LRRTM4: variants seen among roughly 807,000 people sequenced by gnomAD.
LRRTM4 encodes leucine rich repeat transmembrane neuronal 4.
LRRTM4 carries 25 observed loss-of-function variants against 47.6 expected under a neutral mutation model. The ratio of observed to expected loss-of-function variants is 0.53; its 90% confidence interval spans 0.38 to 0.73. The LOEUF (loss-of-function observed/expected upper bound fraction) is 0.73, where lower values mean the gene tolerates loss of function less well. Ranked by LOEUF, LRRTM4 falls within the 30% of genes least tolerant of loss-of-function variation. The pLI is 0.00. For missense variants in LRRTM4, 638 were observed against 713.4 expected, an observed-to-expected ratio of 0.89 and a Z score of 1.20; for synonymous variants, 311 against 269.5, an observed-to-expected ratio of 1.15 and a Z score of -1.51.
intron 3 of LRRTM4, among the ~76,000 whole-genome samples, chr2:77,196,168 T>A (rs1673821112): frequency 6.6e-6 from 1 of 152,238 alleles, no homozygotes; most frequent in African/African-American, 2.4e-5. Flanking sequence ...ATATGCTTTT[T>A]TCCTTTTTGA....
At chr2:77,014,754 G>A (rs1444284375) in intron 3 of LRRTM4, among the ~76,000 whole-genome samples, 3 of 152,114 alleles carry the variant, frequency 2.0e-5, no homozygotes, top group African/African-American at 7.2e-5. Flanking sequence ...GGAGGTTGCA[G>A]TGAGTGGAGA....
At chr2:76,901,944 T>G (rs1673651663) in intron 3 of LRRTM4, among the ~76,000 whole-genome samples, 1 of 152,196 alleles carries the variant, frequency 6.6e-6, no homozygotes, top group South Asian at 2.1e-4. Flanking sequence ...CTTTGCTCTG[T>G]GGGCTAAGTG....
intron 3 of LRRTM4, among the ~76,000 whole-genome samples, chr2:76,873,506 G>GTGTGTATATATATGTGTGTATA (rs367573475): frequency 8.9e-6 from 1 of 112,312 alleles, no homozygotes; most frequent in African/African-American, 3.2e-5. Flanking sequence ...ATATATGTGT[G>GTGTGTATATATATGTGTGTATA]TATATATATA....
intron 3 of LRRTM4, among the ~76,000 whole-genome samples, chr2:76,880,172 A>G (rs1240949165): frequency 6.6e-6 from 1 of 152,234 alleles, no homozygotes; most frequent in Non-Finnish European, 1.5e-5. Flanking sequence ...CAGTTTTGAA[A>G]GAAATTCTAC....
intron 3 of LRRTM4, among the ~76,000 whole-genome samples, chr2:76,808,043 T>G (rs1042849332): frequency 1.2e-4 from 18 of 150,048 alleles, no homozygotes; most frequent in Admixed American, 1.1e-3. Flanking sequence ...TTTTCTTTCT[T>G]GTTTTGCTCT....
intron 3 of LRRTM4, among the ~76,000 whole-genome samples, chr2:77,331,690 A>C (rs1352541943): frequency 1.3e-5 from 2 of 151,928 alleles, no homozygotes; most frequent in Non-Finnish European, 2.9e-5. Context: ...TGTGGTAAGA[A>C]CAGATTTGAA....
At chr2:77,319,146 A>T in intron 3 of LRRTM4, among the ~76,000 whole-genome samples, 1 of 152,054 alleles carries the variant, frequency 6.6e-6, no homozygotes, top group African/African-American at 2.4e-5. Context: ...GCACTTTGGG[A>T]GGTTGAGGCA....
At chr2:76,842,563 G>A (rs1671715466) in intron 3 of LRRTM4, among the ~76,000 whole-genome samples, 1 of 152,128 alleles carries the variant, frequency 6.6e-6, no homozygotes, top group African/African-American at 2.4e-5. Context: ...CCTACTGTTA[G>A]GCAGAATCAT....
At chr2:77,090,816 ACTC>A (rs1163264558) in intron 3 of LRRTM4, among the ~76,000 whole-genome samples, 4 of 151,652 alleles carry the variant, frequency 2.6e-5, no homozygotes, top group Admixed American at 6.6e-5. Context: ...TCTCTGACTG[ACTC>A]CTCCTCGGCT....
At chr2:76,975,817 TCTTA>T (rs891386554) in intron 3 of LRRTM4, among the ~76,000 whole-genome samples, 27 of 151,546 alleles carry the variant, frequency 1.8e-4, no homozygotes, top group Non-Finnish European at 2.5e-4. Context: ...TCTTATACTC[TCTTA>T]TTTATTTATT....
At chr2:77,179,789 T>C (rs1673300882) in intron 3 of LRRTM4, among the ~76,000 whole-genome samples, 1 of 152,288 alleles carries the variant, frequency 6.6e-6, no homozygotes, top group South Asian at 2.1e-4. Context: ...GGTCTTAATA[T>C]AGTCAAAATT....
At chr2:77,303,402 T>A (rs1016490611) in intron 3 of LRRTM4, among the ~76,000 whole-genome samples, 5 of 152,220 alleles carry the variant, frequency 3.3e-5, no homozygotes, top group Non-Finnish European at 5.9e-5. Flanking sequence ...CATTTATAAT[T>A]TATATTTCCA....
chr2:77,404,007 G>A (rs1478924102), intron 3 of LRRTM4, among the ~76,000 whole-genome samples: 1 of 151,698 alleles, frequency 6.6e-6, no homozygotes, highest in East Asian at 1.9e-4. Context: ...ACAATAAAAT[G>A]TACTTTATTA....
chr2:76,859,521 T>C (rs904650580), intron 3 of LRRTM4, among the ~76,000 whole-genome samples: 4 of 152,190 alleles, frequency 2.6e-5, no homozygotes, highest in African/African-American at 7.2e-5. Context: ...GTTAATAGCA[T>C]AGTTGAATTT....
intron 3 of LRRTM4, among the ~76,000 whole-genome samples, chr2:76,835,101 C>T (rs1445514297): frequency 6.6e-6 from 1 of 152,100 alleles, no homozygotes; most frequent in African/African-American, 2.4e-5. Flanking sequence ...ATTCTTTGTG[C>T]ATGATAATGT....
intron 3 of LRRTM4, among the ~76,000 whole-genome samples, chr2:77,085,298 C>T (rs1201309841): frequency 6.6e-6 from 1 of 151,162 alleles, no homozygotes; most frequent in Non-Finnish European, 1.5e-5. Context: ...TTCTTACCTA[C>T]AAGAGTGATC....
chr2:77,303,910 G>A (rs146665383), intron 3 of LRRTM4, among the ~76,000 whole-genome samples: 2 of 152,220 alleles, frequency 1.3e-5, no homozygotes, highest in East Asian at 3.9e-4. Context: ...TAGTGCTTCA[G>A]TGAACACAGG....
chr2:77,391,624 C>A (rs1673506831), intron 3 of LRRTM4, among the ~76,000 whole-genome samples: 2 of 151,912 alleles, frequency 1.3e-5, no homozygotes, highest in African/African-American at 4.8e-5. Flanking sequence ...TGGAAAGAAA[C>A]ATCATTCACT....
At chr2:77,013,636 C>T (rs1037635754) in intron 3 of LRRTM4, among the ~76,000 whole-genome samples, 2 of 152,096 alleles carry the variant, frequency 1.3e-5, no homozygotes, top group Non-Finnish European at 2.9e-5. Context: ...GGCTTGTCTT[C>T]AGTGGAAGCA....
Sources: gnomAD v4.1 joint callset for allele counts (sites outside exome capture counted in the v4.1 genomes callset) on GRCh38, gnomAD v4.1.1 for gene constraint, MANE v1.5 for transcripts, NCBI Gene and HGNC (gene_info 2026-07-23, HGNC 2026-07-21) for gene names.